DROSHA: variants seen among roughly 807,000 people sequenced by gnomAD.
The protein encoded by DROSHA is ribonuclease 3.
In DROSHA, 56 loss-of-function variants were observed where a neutral mutation model predicts 181.9. That is an observed-to-expected ratio of 0.31 (90% CI 0.25 to 0.38). The LOEUF (loss-of-function observed/expected upper bound fraction) is 0.38. Ranked by LOEUF, DROSHA falls within the 10% of genes least tolerant of loss-of-function variation. DROSHA has a pLI of 1.00. For synonymous variants in DROSHA, 524 were observed against 591.2 expected (o/e 0.89, Z 1.65); for missense variants, 1,218 against 1,743.5 (o/e 0.70, Z 5.37).
At chr5:31,441,563 A>T (rs1286839469) in intron 23 of DROSHA, among the ~76,000 whole-genome samples, 5 of 152,206 alleles carry the variant, frequency 3.3e-5, no homozygotes, top group South Asian at 2.1e-4. Context: ...AACAAAAAAA[A>T]TTTTCAAAAC....
In DROSHA at chr5:31,531,990, C is replaced by A; in HGVS notation, c.-250G>T. The A allele has an allele frequency of 4.1e-6, 1 of 242,100 alleles. No homozygotes were observed. Among genetic ancestry groups the A allele is most frequent in the Non-Finnish European group, 8.2e-6 (1 of 121,836 alleles). 15.0% of individuals were successfully genotyped at this position (242,100 alleles called of 1,614,324 possible). ...AACACTTGCAAGGTACCCCTTTTAC[C>A]TATAAAAGGCTCTCGGGCCGCGAGA... On this transcript the variant is annotated splice_region_variant and 5_prime_UTR_variant, in exon 1 of 36. Transcript: ENST00000344624.
At chr5:31,464,576 A>G (rs1318133164) in intron 19 of DROSHA, among the ~76,000 whole-genome samples, 2 of 148,760 alleles carry the variant, frequency 1.3e-5, no homozygotes, top group African/African-American at 5.0e-5. Context: ...AAAACTCTAA[A>G]CCAAATCTAC....
Position 31,515,094 on chromosome 5 carries a change from G to T in DROSHA, c.1184C>A (p.Thr395Asn). 1.2e-6 allele frequency: 2 copies of T among 1,613,920 alleles called. No individual in the cohort carries two copies. Among genetic ancestry groups the T allele is most frequent in the Non-Finnish European group, 1.7e-6 (2 of 1,179,882 alleles). The change falls in exon 8 of 36, where the codon ACC becomes AAC. Residue 395 changes from threonine (T) to asparagine (N), a missense_variant. Physicochemically the swap from Thr to Asn is moderately conservative, Grantham distance 65. This residue lies in a region of DROSHA where 536 missense variants were observed against 535.4 expected (regional missense o/e 1.00). Transcript: ENST00000344624. ...TSIKEKEPEETMPDKNEEEEE... is the reference protein window; with the variant it reads ...TSIKEKEPEENMPDKNEEEEE... ...TTCCTCCTCATTCTTGTCAGGCATG[G>T]TCTCCTCGGGCTCTTTTTCCTTGAT...
chr5:31,472,001 A>C, intron 17 of DROSHA, 62 bp downstream of exon 17: 1 of 1,438,460 alleles, frequency 7.0e-7, no homozygotes, highest in Non-Finnish European at 9.2e-7. Context: ...TGTTTTCATG[A>C]AACATTCAGA....
rs768578400 is a variant in DROSHA, at chr5:31,405,683, C to G, written c.3988G>C (p.Glu1330Gln). The G allele has an allele frequency of 1.3e-6, 2 of 1,552,756 alleles. No homozygotes were observed. Among genetic ancestry groups the G allele is most frequent in the South Asian group, 2.4e-5 (2 of 82,540 alleles). ...GAAAAAAAAACAGGCTTACATTTTT[C>G]AAGCGCATCCATTGCTGCTCCCATT... ...AEMGAAMDAL[E>Q]KYNFPQMAHQ... The change falls in exon 35 of 36, where the codon GAA becomes CAA. Residue 1330 changes from glutamate (E) to glutamine (Q), a missense_variant. Coordinates refer to ENST00000344624, the MANE Select transcript of DROSHA (RefSeq NM_001382508.1).
At chr5:31,492,453 C>A (rs188238452) in intron 13 of DROSHA, among the ~76,000 whole-genome samples, 10 of 152,274 alleles carry the variant, frequency 6.6e-5, no homozygotes, top group African/African-American at 2.4e-4. Context: ...CGTAACCAAA[C>A]CAGAAGAGGT....
At chr5:31,492,332 G>T (rs1048727326) in intron 13 of DROSHA, among the ~76,000 whole-genome samples, 26 of 152,286 alleles carry the variant, frequency 1.7e-4, no homozygotes, top group African/African-American at 5.8e-4. Flanking sequence ...GACAAAAAGG[G>T]CTAAGCTAAG....
intron 30 of DROSHA, among the ~76,000 whole-genome samples, chr5:31,418,419 C>A (rs962239354): frequency 6.6e-6 from 1 of 152,102 alleles, no homozygotes; most frequent in Non-Finnish European, 1.5e-5. Context: ...CAAATGCATG[C>A]CACTCTACCA....
chr5:31,452,000 A>G (rs1041164105), intron 20 of DROSHA, among the ~76,000 whole-genome samples: 1 of 152,196 alleles, frequency 6.6e-6, no homozygotes, highest in African/African-American at 2.4e-5. Flanking sequence ...AAATACAAAA[A>G]TCTTCTTAGA....
chr5:31,489,276 T>C (rs906437094), intron 13 of DROSHA, among the ~76,000 whole-genome samples: 7 of 152,228 alleles, frequency 4.6e-5, no homozygotes, highest in African/African-American at 1.4e-4. Flanking sequence ...CTTGCTATCA[T>C]AGGAAAAAGC....
At chr5:31,479,626 T>C (rs1041371508) in intron 16 of DROSHA, among the ~76,000 whole-genome samples, 9 of 151,518 alleles carry the variant, frequency 5.9e-5, no homozygotes, top group Non-Finnish European at 1.2e-4. Context: ...AATTAAGAAT[T>C]TCTATTCAAC....
intron 23 of DROSHA, among the ~76,000 whole-genome samples, chr5:31,445,101 C>A (rs1362881519): frequency 1.3e-5 from 2 of 152,314 alleles, no homozygotes; most frequent in South Asian, 4.1e-4. Context: ...CAGTCTGGAT[C>A]CCCAGAATGA....
intron 30 of DROSHA, among the ~76,000 whole-genome samples, chr5:31,414,666 C>A (rs796910083): frequency 3.0e-4 from 45 of 152,342 alleles, no homozygotes; most frequent in African/African-American, 1.1e-3. Context: ...GAAATGTTAG[C>A]TGTTGCTGTG....
At chr5:31,478,683 G>A (rs959791108) in intron 16 of DROSHA, among the ~76,000 whole-genome samples, 10 of 152,076 alleles carry the variant, frequency 6.6e-5, no homozygotes, top group South Asian at 2.1e-4. Flanking sequence ...GCAGTGAGCC[G>A]AGATGGCACC....
chr5:31,467,234 C>G (rs1022944851), intron 18 of DROSHA: 3 of 150,486 alleles, frequency 2.0e-5, no homozygotes, highest in Non-Finnish European at 4.4e-5. Flanking sequence ...TCAGCCAGAA[C>G]TGTATTTATG....
At chr5:31,529,722 C>G (rs1438599281) in intron 3 of DROSHA, among the ~76,000 whole-genome samples, 2 of 71,582 alleles carry the variant, frequency 2.8e-5, no homozygotes, top group Non-Finnish European at 5.3e-5. Flanking sequence ...GCGACAGTCT[C>G]AAAAAAACAA....
rs191723535 is a variant in DROSHA, at chr5:31,452,392, G to A, written c.2575-752C>T. 4.3e-3 allele frequency among the ~76,000 whole-genome samples: 655 copies of A among 152,194 alleles called. 2 individuals carry two copies. The highest frequency in any genetic ancestry group is 5.8e-3 in the Non-Finnish European group (396 of 68,016). ...TTTATAAAGCCACCAGTATAGTTAA[G>A]GTACCCAAGGACACAGAATTTAAAT... On this transcript the variant is annotated intron_variant, in intron 20 of 35. Transcript: ENST00000344624.
At chr5:31,426,815 A>G (rs938259394) in intron 27 of DROSHA, among the ~76,000 whole-genome samples, 1 of 152,162 alleles carries the variant, frequency 6.6e-6, no homozygotes, top group Non-Finnish European at 1.5e-5. Flanking sequence ...GCATATTGAA[A>G]AGAAGAAATG....
intron 20 of DROSHA, among the ~76,000 whole-genome samples, chr5:31,461,444 T>C (rs1375008917): frequency 6.6e-6 from 1 of 152,162 alleles, no homozygotes; most frequent in Non-Finnish European, 1.5e-5. Context: ...GTAAGATGTA[T>C]CTGTAGAAAG....
Sources: allele counts gnomAD v4.1 joint callset (sites outside exome capture counted in the v4.1 genomes callset), GRCh38; gene constraint gnomAD v4.1.1; regional missense constraint gnomAD v4.1.1; transcripts MANE v1.5; gene names NCBI Gene and HGNC (gene_info 2026-07-23, HGNC 2026-07-21).